SAMD4A: variants seen among roughly 807,000 people sequenced by gnomAD.
SAMD4A encodes the protein protein Smaug homolog 1.
In SAMD4A, 33 loss-of-function variants were observed where a neutral mutation model predicts 81.3. That is an observed-to-expected ratio of 0.41 (90% CI 0.31 to 0.54). The LOEUF is 0.54. SAMD4A is among the 20% of genes least tolerant of loss of function. The pLI is 0.37. For synonymous variants in SAMD4A, 389 were observed against 382.1 expected (o/e 1.02, Z -0.21); for missense variants, 854 against 951.1 (o/e 0.90, Z 1.34).
rs376158006 is a variant in SAMD4A at position 54,640,376 on chromosome 14, A to G, written c.197-61686A>G. 5.9e-5 allele frequency among the ~76,000 whole-genome samples: 9 copies of G among 152,312 alleles called. No individual in the cohort carries two copies. In the East Asian group the frequency reaches 1.5e-3, roughly 26 times the overall value. ...GGATATAAGAGGTCCCTATTGACAC[A>G]GAATCAATTATTTATTGATTTAGAA... On this transcript the variant is annotated intron_variant, in intron 2 of 12. Coordinates refer to ENST00000554335, the MANE Select transcript of SAMD4A (RefSeq NM_015589.6).
rs369230316 is a variant in SAMD4A, at chr14:54,712,827, G to A, written c.715+10247G>A. On this transcript the variant is annotated intron_variant, in intron 3 of 12. Coordinates refer to ENST00000554335, the MANE Select transcript of SAMD4A (RefSeq NM_015589.6). ...TTTTTAGACTTCAGTGACAGTGAGG[G>A]TTATTAAACACTAGATGAGCTACAG... 3.9e-5 allele frequency among the ~76,000 whole-genome samples: 6 copies of A among 152,236 alleles called. No individual in the cohort carries two copies. The East Asian group carries it at 9.7e-4, about 25-fold the overall frequency.
intron 6 of SAMD4A, 27 bp downstream of exon 6, chr14:54,751,564 C>G: frequency 1.4e-6 from 2 of 1,417,834 alleles, no homozygotes; most frequent in Non-Finnish European, 9.9e-7. Flanking sequence ...GGGAACATTT[C>G]CACTTTCATT....
intron 6 of SAMD4A, among the ~76,000 whole-genome samples, chr14:54,754,165 A>G (rs2038180182): frequency 6.6e-6 from 1 of 152,198 alleles, no homozygotes; most frequent in Non-Finnish European, 1.5e-5. Context: ...ACACTCTGGC[A>G]ACCAGGTAGC....
rs17127794 is a variant in SAMD4A at position 54,714,008 on chromosome 14, T to C, written c.715+11428T>C. Among the ~76,000 whole-genome samples the C allele has an allele frequency of 8.2e-3, 1,255 of 152,356 alleles. 25 individuals carry two copies. Among genetic ancestry groups the C allele is most frequent in the African/African-American group, 0.028 (1,179 of 41,594 alleles). ...TGACTTGATCCAGATAGGTAGTTGA[T>C]GCATTCATTGTACTAGCTGTTTAAA... On this transcript the variant is annotated intron_variant, in intron 3 of 12. Coordinates refer to ENST00000554335, the MANE Select transcript of SAMD4A (RefSeq NM_015589.6).
intron 2 of SAMD4A, among the ~76,000 whole-genome samples, chr14:54,583,576 C>A (rs186289604): frequency 6.6e-6 from 1 of 152,286 alleles, no homozygotes; most frequent in East Asian, 1.9e-4. Flanking sequence ...TTTGATTGAT[C>A]TTTTTCTTTG....
intron 3 of SAMD4A, among the ~76,000 whole-genome samples, chr14:54,721,554 C>T (rs2037262321): frequency 6.6e-6 from 1 of 152,170 alleles, no homozygotes. Context: ...CCCACCATAA[C>T]TCTCATTATC....
intron 3 of SAMD4A, among the ~76,000 whole-genome samples, chr14:54,727,804 A>G (rs2037463842): frequency 6.6e-6 from 1 of 152,210 alleles, no homozygotes; most frequent in African/African-American, 2.4e-5. Context: ...ATAGACATGT[A>G]GATGAACACG....
chr14:54,676,828 G>A (rs187888722), intron 2 of SAMD4A, among the ~76,000 whole-genome samples: 4 of 152,344 alleles, frequency 2.6e-5, no homozygotes, highest in East Asian at 1.9e-4. Flanking sequence ...TCTCAAGAAC[G>A]TGTAGGGTTA....
At chr14:54,592,748 C>T (rs1283258840) in intron 2 of SAMD4A, among the ~76,000 whole-genome samples, 5 of 152,146 alleles carry the variant, frequency 3.3e-5, no homozygotes, top group Non-Finnish European at 5.9e-5. Flanking sequence ...CGTGAGCCAC[C>T]GCACCCGGCC....
chr14:54,581,554 T>G (rs2033468407), intron 2 of SAMD4A, among the ~76,000 whole-genome samples: 1 of 152,228 alleles, frequency 6.6e-6, no homozygotes. Flanking sequence ...GATCATTAAA[T>G]GTACTCTCTT....
At chr14:54,775,287 C>A in intron 10 of SAMD4A, 152 bp downstream of exon 10, 1 of 833,830 alleles carries the variant, frequency 1.2e-6, no homozygotes, top group Non-Finnish European at 1.9e-6. Context: ...CAGCATTGTT[C>A]GCGTTGTTCT....
chr14:54,640,248 A>G (rs564088511), intron 2 of SAMD4A, among the ~76,000 whole-genome samples: 10 of 152,260 alleles, frequency 6.6e-5, no homozygotes, highest in African/African-American at 2.4e-4. Context: ...AGTACCTGGA[A>G]GTTTCGTGCT....
chr14:54,566,358 T>TG (rs538074701), upstream of SAMD4A, among the ~76,000 whole-genome samples: 258 of 151,710 alleles, frequency 1.7e-3, 1 homozygote, highest in African/African-American at 5.6e-3. Flanking sequence ...CGCGGGTCAC[T>TG]GGGGGTCCCC....
intron 6 of SAMD4A, among the ~76,000 whole-genome samples, chr14:54,754,401 C>A (rs2038186429): frequency 6.6e-6 from 1 of 152,150 alleles, no homozygotes; most frequent in Non-Finnish European, 1.5e-5. Flanking sequence ...GAGAAGAGAG[C>A]TTATGTGTGT....
chr14:54,600,766 T>C (rs142888706), intron 2 of SAMD4A, among the ~76,000 whole-genome samples: 11 of 152,338 alleles, frequency 7.2e-5, no homozygotes, highest in Middle Eastern at 3.4e-3. Flanking sequence ...CCAACAGTAC[T>C]GACACAGTAC....
chr14:54,670,154 T>C (rs2035848888), intron 2 of SAMD4A, among the ~76,000 whole-genome samples: 1 of 152,154 alleles, frequency 6.6e-6, no homozygotes, highest in South Asian at 2.1e-4. Flanking sequence ...CCCAAGCAAG[T>C]CTGTCTGGCC....
At chr14:54,574,867 CTGAT>C (rs2033242367) in intron 2 of SAMD4A, among the ~76,000 whole-genome samples, 1 of 152,120 alleles carries the variant, frequency 6.6e-6, no homozygotes, top group Non-Finnish European at 1.5e-5. Flanking sequence ...CCTGAAAACT[CTGAT>C]TGAAGAGGCC....
chr14:54,704,091 G>C (rs532313255), intron 3 of SAMD4A, among the ~76,000 whole-genome samples: 1 of 152,178 alleles, frequency 6.6e-6, no homozygotes, highest in East Asian at 1.9e-4. Context: ...TCTTTTTTCT[G>C]CTTTTCCATT....
Position 54,775,151 on chromosome 14 carries a change from A to T in SAMD4A, c.1917+16A>T. ...AGGAAGACAGGTTTGTTCTGCCCCAAGGAAGGAGGAGGATGGCCAAGCTCA... is the reference window on the plus strand; with the variant it reads ...AGGAAGACAGGTTTGTTCTGCCCCATGGAAGGAGGAGGATGGCCAAGCTCA... On this transcript the variant is annotated intron_variant, in intron 10 of 12. Coordinates refer to ENST00000554335, the MANE Select transcript of SAMD4A (RefSeq NM_015589.6). 6.2e-7 allele frequency: 1 copy of T among 1,614,122 alleles called. No homozygotes were observed. Among genetic ancestry groups the T allele is most frequent in the East Asian group, 2.2e-5 (1 of 44,878 alleles).
Sources: allele counts gnomAD v4.1 joint callset (sites outside exome capture counted in the v4.1 genomes callset), GRCh38; gene constraint gnomAD v4.1.1; transcripts MANE v1.5; gene names NCBI Gene and HGNC (gene_info 2026-07-23, HGNC 2026-07-21).